Variants in RAP1GAP observed in about 807,000 individuals in gnomAD.
RAP1GAP encodes the protein RAP1 GTPase activating protein, also known as rap1 GTPase-activating protein 1.
RAP1GAP carries 35 observed loss-of-function variants against 87.2 expected under a neutral mutation model. That is an observed-to-expected ratio of 0.40 (90% CI 0.31 to 0.53). RAP1GAP has a LOEUF of 0.53. Ranked by LOEUF, RAP1GAP falls within the 20% of genes least tolerant of loss-of-function variation. The pLI, the probability that RAP1GAP is intolerant of heterozygous loss-of-function variation, is 0.48. For missense variants in RAP1GAP, 734 were observed against 898.9 expected, an observed-to-expected ratio of 0.82 and a Z score of 2.35; for synonymous variants, 375 against 363.9, an observed-to-expected ratio of 1.03 and a Z score of -0.35.
In RAP1GAP at chr1:21,603,866, C is replaced by A. The variant is rs2071464070; in HGVS notation, c.1429-953G>T. On this transcript the variant is annotated intron_variant, in intron 18 of 24. Coordinates refer to ENST00000374765, the MANE Select transcript of RAP1GAP (RefSeq NM_002885.4). This position sits in a 1 kb window ranked among gnomAD's most constrained non-coding sequence, Gnocchi z 6.0. ...CACGGTTCCTATGCCTATGGCACTG[C>A]CCCGGCGTCCGAATCTACTCGCACT... 2 of 1,591,254 alleles carry A rather than the reference C, an allele frequency of 1.3e-6. No homozygotes were observed. The highest frequency in any genetic ancestry group is 3.6e-5 in the Admixed American group (2 of 56,120).
chr1:21,666,819 T>G (rs2097367690), intron 1 of RAP1GAP, among the ~76,000 whole-genome samples: 1 of 152,238 alleles, frequency 6.6e-6, no homozygotes, highest in African/African-American at 2.4e-5. Flanking sequence ...CATGCGCGTG[T>G]ACCATGTGTG....
Position 21,603,484 on chromosome 1 carries a change from G to C in RAP1GAP, c.1429-571C>G, listed in dbSNP as rs1016103792. On this transcript the variant is annotated intron_variant, in intron 18 of 24. Coordinates refer to ENST00000374765, the MANE Select transcript of RAP1GAP (RefSeq NM_002885.4). The surrounding 1 kb of genome is among the most constrained non-coding windows in gnomAD (Gnocchi z 6.0). ...CAGGTCACTTCGTGGCGGGGAGGAG[G>C]AGTCAGGGCAGAGGAGAGGGATGGC... The C allele has an allele frequency of 3.4e-6, 2 of 589,732 alleles. No individual in the cohort carries two copies. The highest frequency in any genetic ancestry group is 3.7e-5 in the African/African-American group (2 of 53,448). The allele number at this position is 589,732 out of a possible 1,614,324, so 36.5% of individuals were successfully genotyped here.
chr1:21,629,542 C>T (rs974150177), intron 2 of RAP1GAP, among the ~76,000 whole-genome samples: 3 of 152,256 alleles, frequency 2.0e-5, no homozygotes, highest in African/African-American at 4.8e-5. Context: ...TCCTGTCCCC[C>T]GAAGGCAACT....
intron 7 of RAP1GAP, among the ~76,000 whole-genome samples, chr1:21,614,406 G>A (rs1363080001): frequency 6.6e-6 from 1 of 152,228 alleles, no homozygotes; most frequent in Non-Finnish European, 1.5e-5. Flanking sequence ...GTGAAGGTGG[G>A]TAGTAACGCT....
intron 2 of RAP1GAP, among the ~76,000 whole-genome samples, chr1:21,640,536 T>C (rs2095422207): frequency 6.6e-6 from 1 of 152,132 alleles, no homozygotes; most frequent in South Asian, 2.1e-4. Context: ...GGGAAATATG[T>C]GTGTGTGTAC....
In RAP1GAP at chr1:21,634,804, G is replaced by A. The variant is rs1464020010; in HGVS notation, c.-112-8407C>T. On this transcript the variant is annotated intron_variant, in intron 2 of 24. Transcript: ENST00000374765. This position sits in a 1 kb window ranked among gnomAD's most constrained non-coding sequence, Gnocchi z 4.1. ...TCTGTCTCCCTTGCTCAGGTGGCCT[G>A]AGCCCCACTGTGGCCAAAACCTGAC... is the stretch of plus-strand genomic sequence containing the variant. 2.3e-6 allele frequency: 1 copy of A among 438,060 alleles called. No homozygotes were observed. The highest frequency in any genetic ancestry group is 4.7e-6 in the Non-Finnish European group (1 of 212,968). The allele number at this position is 438,060 out of a possible 1,614,324, so 27.1% of individuals were successfully genotyped here.
In RAP1GAP at chr1:21,622,354, CG is replaced by C; in HGVS notation, c.-18-2305del. 2.1e-6 allele frequency: 1 copy of C among 468,196 alleles called. No individual in the cohort carries two copies. The highest frequency in any genetic ancestry group is 3.8e-6 in the Non-Finnish European group (1 of 265,316). The allele number at this position is 468,196 out of a possible 1,614,324, so 29.0% of individuals were successfully genotyped here. On this transcript the variant is annotated intron_variant, in intron 3 of 24. Coordinates refer to ENST00000374765, the MANE Select transcript of RAP1GAP (RefSeq NM_002885.4). This position sits in a 1 kb window ranked among gnomAD's most constrained non-coding sequence, Gnocchi z 5.7. ...GGGTCCTCACCTGCCAGCTGGCCCC[CG>C]CGGGCAGCGAGCCCCTCCGCGGACG...
intron 1 of RAP1GAP, chr1:21,653,280 T>A (rs1326544650): frequency 6.6e-6 from 1 of 152,166 alleles, no homozygotes. Flanking sequence ...CACATTCTGG[T>A]GGGTGCAGGA....
chr1:21,667,909 C>T (rs184942979), intron 1 of RAP1GAP, among the ~76,000 whole-genome samples: 1 of 152,314 alleles, frequency 6.6e-6, no homozygotes, highest in East Asian at 1.9e-4. Context: ...ACACGCACCC[C>T]TTACCAGACC....
At chr1:21,601,657 C>T (rs1219903266) in intron 20 of RAP1GAP, 27 bp downstream of exon 20, 1 of 1,552,174 alleles carries the variant, frequency 6.4e-7, no homozygotes, top group Admixed American at 1.7e-5. Context: ...CCCAAGCCCC[C>T]AAGCCCCACG....
chr1:21,599,257 G>A (rs1016153644), intron 21 of RAP1GAP, among the ~76,000 whole-genome samples: 2 of 152,182 alleles, frequency 1.3e-5, no homozygotes, highest in African/African-American at 4.8e-5. Flanking sequence ...GACTAGAGAG[G>A]AAGGGAGTGA....
rs2068644872 is a variant in RAP1GAP at position 21,601,670 on chromosome 1, C to T, written c.1652+14G>A. ...CTCCCAAGCCCCCAAGCCCCACGTG[C>T]CCTGAGCCCCAACCTGTTCTTGGTC... On this transcript the variant is annotated intron_variant, in intron 20 of 24. Transcript: ENST00000374765. 1 of 1,582,168 alleles carries T rather than the reference C, an allele frequency of 6.3e-7. No individual in the cohort carries two copies.
intron 4 of RAP1GAP, 62 bp downstream of exon 4, chr1:21,619,953 C>CCCCCAG: frequency 1.3e-6 from 2 of 1,565,534 alleles, no homozygotes; most frequent in South Asian, 1.1e-5. Context: ...CAGCAAGGGC[C>CCCCCAG]CCCCAGCCCC....
chr1:21,608,074 C>A, intron 17 of RAP1GAP, 139 bp downstream of exon 17: 2 of 1,306,740 alleles, frequency 1.5e-6, no homozygotes, highest in Non-Finnish European at 2.1e-6. Context: ...TCCCCCAGTC[C>A]GGGACTCCAC....
intron 2 of RAP1GAP, among the ~76,000 whole-genome samples, chr1:21,640,481 A>T (rs2151326162): frequency 6.6e-6 from 1 of 152,320 alleles, no homozygotes; most frequent in Non-Finnish European, 1.5e-5. Flanking sequence ...CTCTATGTTC[A>T]TGATGAAGCT....
intron 2 of RAP1GAP, among the ~76,000 whole-genome samples, chr1:21,637,143 T>C (rs1344830436): frequency 6.6e-6 from 1 of 150,422 alleles, no homozygotes; most frequent in African/African-American, 2.4e-5. Flanking sequence ...ATTCTTTTTT[T>C]TCTTTTTTTT....
chr1:21,613,852 C>G lies in RAP1GAP; in HGVS notation c.395+134G>C, dbSNP rs572328645. On this transcript the variant is annotated intron_variant, in intron 8 of 24. Coordinates refer to ENST00000374765, the MANE Select transcript of RAP1GAP (RefSeq NM_002885.4). The surrounding 1 kb of genome is among the most constrained non-coding windows in gnomAD (Gnocchi z 4.7). The stretch of plus-strand genomic sequence containing the variant: ...GGTGTCAGGCTGACTCGGGTACTAA[C>G]TTGCTGTGCAACCTCAAGCAAATCC... 72 of 1,134,324 alleles carry G rather than the reference C, an allele frequency of 6.3e-5. No homozygotes were observed. The Admixed American group carries it at 1.3e-3, about 21-fold the overall frequency. 70.3% of individuals were successfully genotyped at this position (1,134,324 alleles called of 1,614,324 possible).
intron 7 of RAP1GAP, among the ~76,000 whole-genome samples, chr1:21,614,500 C>A (rs1202304665): frequency 6.6e-6 from 1 of 152,176 alleles, no homozygotes; most frequent in Non-Finnish European, 1.5e-5. Context: ...GGGCTGGGCA[C>A]CCAGCAGGTG....
At chr1:21,607,069 T>C (rs1385188267) in intron 17 of RAP1GAP, among the ~76,000 whole-genome samples, 1 of 152,156 alleles carries the variant, frequency 6.6e-6, no homozygotes, top group Non-Finnish European at 1.5e-5. Context: ...TTCCAACCCA[T>C]AGCTCCAGCT....
Sources: allele counts gnomAD v4.1 joint callset (sites outside exome capture counted in the v4.1 genomes callset), GRCh38; gene constraint gnomAD v4.1.1; non-coding constraint Gnocchi (gnomAD v3.1); transcripts MANE v1.5; gene names NCBI Gene and HGNC (gene_info 2026-07-23, HGNC 2026-07-21).